EPS8L1: variants seen among roughly 807,000 people sequenced by gnomAD.
EPS8L1 encodes EPS8 signaling adaptor L1.
Under a neutral mutation model 91.7 loss-of-function variants are expected in EPS8L1, and 101 were observed. That is an observed-to-expected ratio of 1.10 (90% CI 0.94 to 1.30). The LOEUF is 1.30. EPS8L1 is among the 50% of genes most tolerant of loss of function. EPS8L1 has a pLI of 0.00. For missense variants in EPS8L1, 1,114 were observed against 1,017.0 expected (o/e 1.10, Z -1.30); for synonymous variants, 506 against 445.3 (o/e 1.14, Z -1.72).
At chr19:55,087,487 C>T in intron 19 of EPS8L1, 41 bp from the exon 20 acceptor site, 2 of 1,614,132 alleles carry the variant, frequency 1.2e-6, no homozygotes, top group Non-Finnish European at 1.7e-6. Context: ...ATGACGAGGG[C>T]TCGGACGCCA....
chr19:55,080,747 CGT>C, intron 6 of EPS8L1, 23 bp from the exon 7 acceptor site: 1 of 1,607,468 alleles, frequency 6.2e-7, no homozygotes, highest in African/African-American at 1.3e-5. Flanking sequence ...CGTGGGGAGG[CGT>C]GGCCTGACGG....
In EPS8L1 at chr19:55,077,932, CAATAATAAT is replaced by C. The variant is rs34626114; in HGVS notation, c.18-123_18-115del. On this transcript the variant is annotated intron_variant, in intron 2 of 19. Coordinates refer to ENST00000201647, the MANE Select transcript of EPS8L1 (RefSeq NM_133180.3). Reference sequence around the variant, plus strand: ...AGCTCTGGCTCTGAGCTCTCCTGCTCAATAATAATAATAATAATAATAATAATAATAATA... The same window carrying C: ...AGCTCTGGCTCTGAGCTCTCCTGCTCAATAATAATAATAATAATAATAATA... Among the ~76,000 whole-genome samples the C allele has an allele frequency of 6.2e-3, 779 of 126,300 alleles. 5 individuals are homozygous for C. The highest frequency in any genetic ancestry group is 0.024 in the South Asian group (99 of 4,098). 82.9% of individuals were successfully genotyped at this position (126,300 alleles called of 152,430 possible).
At position 55,086,807 on chromosome 19, in the gene EPS8L1, G is replaced by A. The variant is rs751647258; in HGVS notation, c.1871G>A (p.Arg624His). The change falls in exon 18 of 20, where the codon CGC becomes CAC. Residue 624 changes from arginine (R) to histidine (H), a missense_variant. Arg to His is a conservative substitution (Grantham distance 29). Coordinates refer to ENST00000201647, the MANE Select transcript of EPS8L1 (RefSeq NM_133180.3). ...CCGAGCCGCGCAGTCCCAGGGCCCCGCGCCCCGGAACCGCAGCTCAGCCCG... is the reference window on the plus strand; with the variant it reads ...CCGAGCCGCGCAGTCCCAGGGCCCCACGCCCCGGAACCGCAGCTCAGCCCG... ...SGPSRAVPGPRAPEPQLSPGS... is the reference protein window; with the variant it reads ...SGPSRAVPGPHAPEPQLSPGS... The A allele has an allele frequency of 3.1e-6, 5 of 1,593,448 alleles. No individual in the cohort carries two copies. The highest frequency in any genetic ancestry group is 1.1e-5 in the South Asian group (1 of 89,144).
At position 55,083,596 on chromosome 19, in the gene EPS8L1, G is replaced by A. The variant is rs377168114; in HGVS notation, c.1357-20G>A. Reference sequence around the variant, plus strand: ...CGGTCCGCCTGGCCCCGCCTGACCCGACTGTCTTACTTCCTACAGCAAAGC... The same window carrying A: ...CGGTCCGCCTGGCCCCGCCTGACCCAACTGTCTTACTTCCTACAGCAAAGC... On this transcript the variant is annotated intron_variant, in intron 13 of 19. Transcript: ENST00000201647. The surrounding 1 kb of genome is among the most constrained non-coding windows in gnomAD (Gnocchi z 4.7). 5.1e-5 allele frequency: 81 copies of A among 1,596,400 alleles called. No homozygotes were observed. Among genetic ancestry groups the A allele is most frequent in the African/African-American group, 2.4e-4 (18 of 74,748 alleles).
chr19:55,077,995 C>A (rs972931169), intron 2 of EPS8L1, 93 bp from the exon 3 acceptor site: 12 of 942,228 alleles, frequency 1.3e-5, no homozygotes, highest in Admixed American at 2.0e-5. Flanking sequence ...CTCCCCATTA[C>A]CTTCGTCATG....
intron 14 of EPS8L1, among the ~76,000 whole-genome samples, chr19:55,085,209 A>G (rs1219858758): frequency 6.6e-6 from 1 of 152,250 alleles, no homozygotes; most frequent in Non-Finnish European, 1.5e-5. Context: ...CTCTGTCATC[A>G]GGCTGGAGTG....
intron 3 of EPS8L1, 31 bp downstream of exon 3, chr19:55,078,159 A>G (rs1407281897): frequency 6.2e-7 from 1 of 1,610,694 alleles, no homozygotes; most frequent in Non-Finnish European, 8.5e-7. Flanking sequence ...CCCCAGGCCC[A>G]TAGAACTGGG....
rs2076353997 is a variant in EPS8L1, at chr19:55,086,503, G to C, written c.1762G>C (p.Asp588His). The change falls in exon 17 of 20, where the codon GAC becomes CAC. Residue 588 changes from aspartate to histidine, a missense_variant. By Grantham distance (81) the Asp-to-His change is moderately conservative. Transcript: ENST00000201647. ...CAGCTGCGATAGCCTCAACGGCTTGGACCCCAGCGAGAAGGGTGAGTGGTG... is the reference window on the plus strand; with the variant it reads ...CAGCTGCGATAGCCTCAACGGCTTGCACCCCAGCGAGAAGGGTGAGTGGTG... ...WDSCDSLNGL[D>H]PSEKEKFSQM... is the part of the protein sequence containing the mutation. The C allele has an allele frequency of 1.9e-6, 3 of 1,551,180 alleles. No individual in the cohort carries two copies. Among genetic ancestry groups the C allele is most frequent in the Non-Finnish European group, 2.6e-6 (3 of 1,146,916 alleles).
At chr19:55,077,551 T>C (rs2076153989) in intron 2 of EPS8L1, among the ~76,000 whole-genome samples, 1 of 147,576 alleles carries the variant, frequency 6.8e-6, no homozygotes, top group Non-Finnish European at 1.5e-5. Flanking sequence ...CACACTCCCC[T>C]ACCACCCAGC....
rs2076368134 is a variant in EPS8L1 at position 55,087,687 on chromosome 19, C to T, written c.*73C>T. The T allele has an allele frequency of 3.3e-6, 5 of 1,496,556 alleles. No homozygotes were observed. In the South Asian group the frequency reaches 3.5e-5, roughly 10 times the overall value. The allele number at this position is 1,496,556 out of a possible 1,614,324, so 92.7% of individuals were successfully genotyped here. A position where few individuals can be genotyped will look rare whatever the true frequency, so the allele number is the denominator to read the frequency against. Reference sequence around the variant, plus strand: ...GGACTCCTCAGACTCTCCCCAATAGCGGAAGTCGATCTTCTGAAGGATGGC... The same window carrying T: ...GGACTCCTCAGACTCTCCCCAATAGTGGAAGTCGATCTTCTGAAGGATGGC... On this transcript the variant is annotated 3_prime_UTR_variant, in exon 20 of 20. Coordinates refer to ENST00000201647, the MANE Select transcript of EPS8L1 (RefSeq NM_133180.3).
In EPS8L1 at chr19:55,087,695, G is replaced by A. The variant is rs1448971124; in HGVS notation, c.*81G>A. The A allele has an allele frequency of 1.6e-5, 24 of 1,459,150 alleles. No homozygotes were observed. The highest frequency in any genetic ancestry group is 2.3e-5 in the Non-Finnish European group (24 of 1,054,684). The allele number at this position is 1,459,150 out of a possible 1,614,324, so 90.4% of individuals were successfully genotyped here. ...CAGACTCTCCCCAATAGCGGAAGTC[G>A]ATCTTCTGAAGGATGGCCAATCTGC... is the stretch of plus-strand genomic sequence containing the variant. On this transcript the variant is annotated 3_prime_UTR_variant, in exon 20 of 20. Transcript: ENST00000201647.
In EPS8L1 at chr19:55,081,994, G is replaced by C. The variant is rs765881437; in HGVS notation, c.901+95G>C. ...GCTCTCCCCTCCCGCCACTTGCCAG[G>C]GCTGACCTCACCGCCATCTTAACCG... On this transcript the variant is annotated intron_variant, in intron 9 of 19. Transcript: ENST00000201647. This position sits in a 1 kb window ranked among gnomAD's most constrained non-coding sequence, Gnocchi z 4.9. 8 of 1,554,350 alleles carry C rather than the reference G, an allele frequency of 5.1e-6. No individual in the cohort carries two copies. The highest frequency in any genetic ancestry group is 7.0e-6 in the Non-Finnish European group (8 of 1,148,138).
chr19:55,081,384 G>A lies in EPS8L1; in HGVS notation c.666G>A (p.Glu222=). Residue 222 remains glutamate, a synonymous_variant, in exon 8 of 20, where the codon GAG becomes GAA. Coordinates refer to ENST00000201647, the MANE Select transcript of EPS8L1 (RefSeq NM_133180.3). This position sits in a 1 kb window ranked among gnomAD's most constrained non-coding sequence, Gnocchi z 4.9. ...PQAKPIPEAE[E]AQRPEPVGTS... ...CGAAGCCCATTCCCGAGGCAGAGGAGGCGCAGAGGCCTGAGCCGGTGGGGA... is the reference window on the plus strand; with the variant it reads ...CGAAGCCCATTCCCGAGGCAGAGGAAGCGCAGAGGCCTGAGCCGGTGGGGA... 1 of 1,581,046 alleles carries A rather than the reference G, an allele frequency of 6.3e-7. No homozygotes were observed. Among genetic ancestry groups the A allele is most frequent in the Admixed American group, 1.8e-5 (1 of 54,860 alleles).
intron 15 of EPS8L1, 28 bp from the exon 16 acceptor site, chr19:55,086,033 T>A: frequency 1.3e-6 from 2 of 1,599,192 alleles, no homozygotes; most frequent in Non-Finnish European, 1.7e-6. Flanking sequence ...AGACAGGCTC[T>A]GAACCCTCTG....
chr19:55,076,242 A>G (rs1255302296), intron 1 of EPS8L1, 166 bp from the exon 2 acceptor site: 11 of 510,262 alleles, frequency 2.2e-5, no homozygotes, highest in East Asian at 6.7e-5. Flanking sequence ...GGGAAGAGGG[A>G]CTGGGGCCTG....
chr19:55,083,969 T>G lies in EPS8L1; in HGVS notation c.1385+325T>G. 1.7e-6 allele frequency: 1 copy of G among 580,086 alleles called. No homozygotes were observed. The highest frequency in any genetic ancestry group is 2.0e-5 in the South Asian group (1 of 49,852). The allele number at this position is 580,086 out of a possible 1,614,324, so 35.9% of individuals were successfully genotyped here. A position where few individuals can be genotyped will look rare whatever the true frequency, so the allele number is the denominator to read the frequency against. The stretch of plus-strand genomic sequence containing the variant: ...CCCCAAAAGGCTGGAAGAAGCCAGT[T>G]TGTTTTCCCAGGGCCTGGGAAGCAC... On this transcript the variant is annotated intron_variant, in intron 14 of 19. Transcript: ENST00000201647. The surrounding 1 kb of genome is among the most constrained non-coding windows in gnomAD (Gnocchi z 4.7).
At chr19:55,080,362 TG>T (rs1307789507) in intron 6 of EPS8L1, 84 bp downstream of exon 6, 1 of 1,506,054 alleles carries the variant, frequency 6.6e-7, no homozygotes, top group East Asian at 2.5e-5. Flanking sequence ...GGCCTCTAGG[TG>T]GGGCGGGGCC....
At chr19:55,078,168 G>C (rs755888827) in intron 3 of EPS8L1, 40 bp downstream of exon 3, 1 of 1,606,348 alleles carries the variant, frequency 6.2e-7, no homozygotes, top group Non-Finnish European at 8.5e-7. Flanking sequence ...CATAGAACTG[G>C]GTCTAAAGAA....
In EPS8L1 at chr19:55,076,031, C is replaced by T. The variant is rs542735815; in HGVS notation, c.-38+112C>T. Reference sequence around the variant, plus strand: ...GTCTCAGGGAGGACGGGCTGGGGGTCTGAACTCCCGGGTCTGAGGGAGGAG... The same window carrying T: ...GTCTCAGGGAGGACGGGCTGGGGGTTTGAACTCCCGGGTCTGAGGGAGGAG... On this transcript the variant is annotated intron_variant, in intron 1 of 19. Transcript: ENST00000201647. The T allele has an allele frequency of 8.1e-4, 147 of 182,444 alleles. 2 individuals are homozygous for T. The highest frequency in any genetic ancestry group is 1.3e-3 in the Non-Finnish European group (118 of 88,776). 11.3% of individuals were successfully genotyped at this position (182,444 alleles called of 1,614,324 possible). A position where few individuals can be genotyped will look rare whatever the true frequency, so the allele number is the denominator to read the frequency against.
Sources: allele counts gnomAD v4.1 joint callset (sites outside exome capture counted in the v4.1 genomes callset), GRCh38; gene constraint gnomAD v4.1.1; non-coding constraint Gnocchi (gnomAD v3.1); transcripts MANE v1.5; gene names NCBI Gene and HGNC (gene_info 2026-07-23, HGNC 2026-07-21).